The following PFAS variants were observed in gnomAD, a reference collection of about 807,000 sequenced individuals.
PFAS encodes the protein FGAM synthase.
A neutral mutation model predicts 140.6 loss-of-function variants in PFAS; 97 were observed. The ratio of observed to expected loss-of-function variants is 0.69; its 90% CI spans 0.59 to 0.82. PFAS has a LOEUF of 0.82. Among genes scored for constraint, PFAS ranks in the 40% least tolerant of loss-of-function variants. The pLI is 0.00. For synonymous variants in PFAS, 679 were observed against 718.8 expected, an observed-to-expected ratio of 0.94 and a Z score of 0.88; for missense variants, 1,656 against 1,780.2, an observed-to-expected ratio of 0.93 and a Z score of 1.26.
Position 8,267,453 on chromosome 17 carries a change from CTGGGTTTGA to C in PFAS, c.3258_3266del (p.Gly1087_Glu1089del). ...GAGATGGCCGATGCCTTCCACTTAGCTGGGTTTGAGGTGAGCAGGGTAGGGGGCAGCTGG... is the reference window on the plus strand; with the variant it reads ...GAGATGGCCGATGCCTTCCACTTAGCGGTGAGCAGGGTAGGGGGCAGCTGG... On this transcript the variant is annotated inframe_deletion and splice_region_variant, in exon 25 of 28. Coordinates refer to ENST00000314666, the MANE Select transcript of PFAS (RefSeq NM_012393.3). This position sits in a 1 kb window ranked among gnomAD's most constrained non-coding sequence, Gnocchi z 4.9. The C allele has an allele frequency of 6.2e-7, 1 of 1,614,016 alleles. No homozygotes were observed. Among genetic ancestry groups the C allele is most frequent in the Non-Finnish European group, 8.5e-7 (1 of 1,179,884 alleles).
chr17:8,256,657 G>A lies in PFAS; in HGVS notation c.946+9G>A. On this transcript the variant is annotated intron_variant, in intron 8 of 27. Coordinates refer to ENST00000314666, the MANE Select transcript of PFAS (RefSeq NM_012393.3). Reference sequence around the variant, plus strand: ...TCACAACTTTCCCACAGGTGAGCTGGGTTCCCTGGAGAAATAGGTGAGATC... The same window carrying A: ...TCACAACTTTCCCACAGGTGAGCTGAGTTCCCTGGAGAAATAGGTGAGATC... The A allele has an allele frequency of 1.2e-6, 2 of 1,613,854 alleles. No individual in the cohort carries two copies. Among genetic ancestry groups the A allele is most frequent in the Non-Finnish European group, 1.7e-6 (2 of 1,179,908 alleles).
At chr17:8,250,755 G>A (rs917113525) in intron 1 of PFAS, among the ~76,000 whole-genome samples, 1 of 152,164 alleles carries the variant, frequency 6.6e-6, no homozygotes, top group Non-Finnish European at 1.5e-5. Context: ...CAGAGAAAGA[G>A]GTTTAATCAT....
Position 8,255,574 on chromosome 17 carries a change from C to T in PFAS, c.457C>T (p.His153Tyr), listed in dbSNP as rs201822007. The change falls in exon 5 of 28, where the codon CAC (histidine) becomes TAC (tyrosine). Residue 153 changes from histidine (H) to tyrosine (Y), a missense_variant. Transcript: ENST00000314666. ...ATLHDRMTEQ[H>Y]FPHPIQSFSP... ...CCTGCACGACCGGATGACAGAGCAG[C>T]ACTTCCCCCATCCCATCCAGAGTTT... 55 of 1,554,204 alleles carry T rather than the reference C, an allele frequency of 3.5e-5. No homozygotes were observed. Among genetic ancestry groups the T allele is most frequent in the South Asian group, 2.5e-5 (2 of 79,306 alleles).
In PFAS at chr17:8,265,345, G is replaced by C; in HGVS notation, c.2338G>C (p.Ala780Pro). 1.2e-6 allele frequency: 2 copies of C among 1,614,222 alleles called. No homozygotes were observed. The highest frequency in any genetic ancestry group is 1.7e-6 in the Non-Finnish European group (2 of 1,180,042). Residue 780 changes from alanine (A) to proline (P), a missense_variant, in exon 19 of 28, where the codon GCT becomes CCT. This residue lies in a region of PFAS where 883 missense variants were observed against 1,023.0 expected (regional missense o/e 0.86). Coordinates refer to ENST00000314666, the MANE Select transcript of PFAS (RefSeq NM_012393.3). ...WAAKLPGEGA[A>P]LADACEAMVA... ...AGCCAAGCTCCCAGGGGAGGGCGCA[G>C]CTTTGGCGGATGCCTGTGAGGCTAT... is the stretch of plus-strand genomic sequence containing the variant.
chr17:8,258,249 C>A, intron 11 of PFAS, 50 bp downstream of exon 11: 1 of 1,605,334 alleles, frequency 6.2e-7, no homozygotes, highest in Non-Finnish European at 8.5e-7. Flanking sequence ...CTCCCCAGCA[C>A]AGGATGGCTA....
chr17:8,253,914 C>G lies in PFAS; in HGVS notation c.-24C>G, dbSNP rs1196329628. On this transcript the variant is annotated 5_prime_UTR_variant, in exon 2 of 28. Transcript: ENST00000314666. ...CATCTCTCCAGCAAAGGACACCTCT[C>G]TCCAGCAAAGGACACCTGCAGAGAT... 6.2e-7 allele frequency: 1 copy of G among 1,600,364 alleles called. No individual in the cohort carries two copies. The highest frequency in any genetic ancestry group is 1.3e-5 in the African/African-American group (1 of 74,664).
At chr17:8,265,690 TGGC>T (rs770807798) in intron 20 of PFAS, 51 bp downstream of exon 20, 32 of 1,523,168 alleles carry the variant, frequency 2.1e-5, no homozygotes, top group Non-Finnish European at 2.6e-5. Flanking sequence ...GATCTTTGTT[TGGC>T]TCCTGCTTTG....
rs1306550795 is a variant in PFAS, at chr17:8,268,983, C to T, written c.3736C>T (p.Gln1246Ter). Residue 1246 changes from glutamine (Q) to a stop codon, truncating the protein, a stop_gained, in exon 28 of 28, where the codon CAA (glutamine) becomes TAA (stop). Transcript: ENST00000314666. LOFTEE classifies it high-confidence loss of function. ...CGTAGCATTTTCTTCTCCGGAACTC[C>T]AAGCTCAGATTGAGGCCAGGGGCTT... ...GYVAFSSPEL[Q>*]AQIEARGLAP... 2 of 1,614,080 alleles carry T rather than the reference C, an allele frequency of 1.2e-6. No individual in the cohort carries two copies. Among genetic ancestry groups the T allele is most frequent in the Admixed American group, 3.3e-5 (2 of 60,008 alleles).
In PFAS at chr17:8,265,089, C is replaced by T. The variant is rs1270940770; in HGVS notation, c.2244C>T (p.Leu748=). 1 of 1,613,076 alleles carries T rather than the reference C, an allele frequency of 6.2e-7. No homozygotes were observed. Among genetic ancestry groups the T allele is most frequent in the East Asian group, 2.2e-5 (1 of 44,896 alleles). Residue 748 remains leucine (L), a synonymous_variant, in exon 18 of 28, where the codon CTC becomes CTT. Transcript: ENST00000314666. ...CCCGGCTGGCCGTGGCCGAAGCCCTCACCAACCTGGTGTTTGCTCTGGTCA... is the reference window on the plus strand; with the variant it reads ...CCCGGCTGGCCGTGGCCGAAGCCCTTACCAACCTGGTGTTTGCTCTGGTCA... ...VAARLAVAEA[L]TNLVFALVTD...
At chr17:8,255,250 A>T (rs973654026) in intron 4 of PFAS, 118 bp downstream of exon 4, 1 of 763,748 alleles carries the variant, frequency 1.3e-6, no homozygotes, top group East Asian at 2.7e-5. Context: ...GTATGGTCGT[A>T]CAAGTTGTTC....
At chr17:8,259,519 C>T (rs571954444) in intron 11 of PFAS, among the ~76,000 whole-genome samples, 228 of 152,202 alleles carry the variant, frequency 1.5e-3, no homozygotes, top group Non-Finnish European at 2.6e-3. Flanking sequence ...CAGTGGCTCA[C>T]GCCTGTAATC....
At chr17:8,251,828 C>T (rs374814368) in intron 1 of PFAS, among the ~76,000 whole-genome samples, 5 of 151,590 alleles carry the variant, frequency 3.3e-5, no homozygotes, top group Non-Finnish European at 5.9e-5. Flanking sequence ...CTTGCCACCA[C>T]GCCCGGCTAA....
At position 8,257,786 on chromosome 17, in the gene PFAS, TTCTC is replaced by T. The variant is rs1989430989; in HGVS notation, c.1076-16_1076-13del. 10 of 1,613,454 alleles carry T rather than the reference TTCTC, an allele frequency of 6.2e-6. 1 individual carries two copies. The Middle Eastern group carries it at 8.3e-4, about 133-fold the overall frequency. On this transcript the variant is annotated splice_polypyrimidine_tract_variant and intron_variant, in intron 9 of 27. Coordinates refer to ENST00000314666, the MANE Select transcript of PFAS (RefSeq NM_012393.3). ...TTCACAGTTCATTCAGTTCATCCAG[TTCTC>T]TCTCCTTCCCTCCCAGGTTACAATC...
At position 8,265,989 on chromosome 17, in the gene PFAS, C is replaced by A. The variant is rs761171484; in HGVS notation, c.2673C>A (p.Ala891=). The change falls in exon 21 of 28, where the codon GCC becomes GCA. Residue 891 remains alanine (A), a synonymous_variant. Transcript: ENST00000314666. The stretch of plus-strand genomic sequence containing the variant: ...ACCTTCCTGAGAACTTGGTGCGGGC[C>A]TTCAGCATCACTCAGGGGCTGCTGA... ...DLDLPENLVR[A]FSITQGLLKD... is the part of the protein sequence containing the mutation. 5 of 1,611,944 alleles carry A rather than the reference C, an allele frequency of 3.1e-6. No homozygotes were observed. Among genetic ancestry groups the A allele is most frequent in the Non-Finnish European group, 4.2e-6 (5 of 1,178,858 alleles).
Position 8,258,052 on chromosome 17 carries a change from T to A in PFAS, c.1208-19T>A. Reference sequence around the variant, plus strand: ...CTGGGGGAACTGAGTGACAGGTCCCTCTGATGTTCACACTCCAGGCTTCGC... The same window carrying A: ...CTGGGGGAACTGAGTGACAGGTCCCACTGATGTTCACACTCCAGGCTTCGC... On this transcript the variant is annotated intron_variant, in intron 10 of 27. Transcript: ENST00000314666. 1 of 1,614,108 alleles carries A rather than the reference T, an allele frequency of 6.2e-7. No individual in the cohort carries two copies. The highest frequency in any genetic ancestry group is 8.5e-7 in the Non-Finnish European group (1 of 1,179,990).
chr17:8,268,503 T>C (rs774654998), intron 26 of PFAS, 30 bp from the exon 27 acceptor site: 1 of 1,564,420 alleles, frequency 6.4e-7, no homozygotes, highest in East Asian at 2.3e-5. Context: ...GTCCTCCATG[T>C]CTCACCCTGA....
At position 8,267,934 on chromosome 17, in the gene PFAS, GTATATTATTTATATATTATTAAAATA is replaced by G. The variant is rs1239780056; in HGVS notation, c.3382+286_3382+311del. Among the ~76,000 whole-genome samples, 7 of 136,952 alleles carry G rather than the reference GTATATTATTTATATATTATTAAAATA, an allele frequency of 5.1e-5. No homozygotes were observed. The South Asian group carries it at 1.4e-3, about 27-fold the overall frequency. 89.8% of individuals were successfully genotyped at this position (136,952 alleles called of 152,430 possible). Reference sequence around the variant, plus strand: ...TATATTATTTATATATTATTAAAATGTATATTATTTATATATTATTAAAATATATATTATTTATATATATTATTTAT... The same window carrying G: ...TATATTATTTATATATTATTAAAATGTATATTATTTATATATATTATTTAT... On this transcript the variant is annotated intron_variant, in intron 26 of 27. Coordinates refer to ENST00000314666, the MANE Select transcript of PFAS (RefSeq NM_012393.3). This position sits in a 1 kb window ranked among gnomAD's most constrained non-coding sequence, Gnocchi z 4.9.
At chr17:8,264,812 G>C in intron 17 of PFAS, 83 bp from the exon 18 acceptor site, 1 of 1,079,592 alleles carries the variant, frequency 9.3e-7, no homozygotes, top group Admixed American at 2.6e-5. Flanking sequence ...GCCTCCCACT[G>C]CCCTGAGTGC....
At chr17:8,259,291 GACAGGGTGTT>G (rs1470657758) in intron 11 of PFAS, among the ~76,000 whole-genome samples, 5 of 151,014 alleles carry the variant, frequency 3.3e-5, no homozygotes, top group Non-Finnish European at 5.9e-5. Flanking sequence ...TCTTTTTAGA[GACAGGGTGTT>G]ACTTTGTCAC....
Sources: allele counts gnomAD v4.1 joint callset (sites outside exome capture counted in the v4.1 genomes callset), GRCh38; gene constraint gnomAD v4.1.1; regional missense constraint gnomAD v4.1.1; non-coding constraint Gnocchi (gnomAD v3.1); transcripts MANE v1.5; gene names NCBI Gene and HGNC (gene_info 2026-07-23, HGNC 2026-07-21).